Variants in SHANK2 observed in about 807,000 individuals in gnomAD.
SHANK2 encodes SH3 and multiple ankyrin repeat domains 2, also known as SH3 and multiple ankyrin repeat domains protein 2.
A neutral mutation model predicts 133.7 loss-of-function variants in SHANK2; 43 were observed. That is an observed-to-expected ratio of 0.32 (90% CI 0.25 to 0.41). The LOEUF (loss-of-function observed/expected upper bound fraction) is 0.41, where lower values mean the gene tolerates loss of function less well. Ranked by LOEUF, SHANK2 falls within the 10% of genes least tolerant of loss-of-function variation. The pLI is 1.00. For missense variants in SHANK2, 1,994 were observed against 2,235.8 expected (o/e 0.89, Z 2.18); for synonymous variants, 1,017 against 952.8 (o/e 1.07, Z -1.24).
intron 2 of SHANK2, among the ~76,000 whole-genome samples, chr11:71,187,165 G>A (rs1953691373): frequency 6.6e-6 from 1 of 152,202 alleles, no homozygotes; most frequent in African/African-American, 2.4e-5. Context: ...GACTGCATGA[G>A]ACAAATGGGG....
rs150468845 is a variant in SHANK2 at position 71,240,016 on chromosome 11, T to C, written c.-113+12409A>G. ...CCGTCTGAATATCCAAGGGTCTCCA[T>C]GAATGTTCAATAGTAATATGATACT... On this transcript the variant is annotated intron_variant, in intron 1 of 25. Coordinates refer to ENST00000601538, the MANE Select transcript of SHANK2 (RefSeq NM_012309.5). Among the ~76,000 whole-genome samples, 20 of 152,282 alleles carry C rather than the reference T, an allele frequency of 1.3e-4. No homozygotes were observed. The East Asian group carries it at 2.1e-3, about 16-fold the overall frequency.
Position 71,188,510 on chromosome 11 carries a change from A to G in SHANK2, c.-13+36187T>C, listed in dbSNP as rs1313027360. Among the ~76,000 whole-genome samples the G allele has an allele frequency of 1.3e-5, 2 of 152,214 alleles. No individual in the cohort carries two copies. Among genetic ancestry groups the G allele is most frequent in the African/African-American group, 4.8e-5 (2 of 41,460 alleles). On this transcript the variant is annotated intron_variant, in intron 2 of 25. Coordinates refer to ENST00000601538, the MANE Select transcript of SHANK2 (RefSeq NM_012309.5). This position sits in a 1 kb window ranked among gnomAD's most constrained non-coding sequence, Gnocchi z 4.6. ...AAAACACTGCAAATATTTACAGTGGACGTACGAAAAGGCACAGGAATACTG... is the reference window on the plus strand; with the variant it reads ...AAAACACTGCAAATATTTACAGTGGGCGTACGAAAAGGCACAGGAATACTG...
At chr11:71,086,087 TATATTAAATTATATA>T (rs1951403129) in intron 8 of SHANK2, among the ~76,000 whole-genome samples, 3 of 27,762 alleles carry the variant, frequency 1.1e-4, no homozygotes, top group Non-Finnish European at 2.1e-4. Flanking sequence ...TGTTATATAA[TATATTAAATTATATA>T]ATATATTATG....
chr11:70,647,780 C>T (rs1169884854), intron 17 of SHANK2, among the ~76,000 whole-genome samples: 7 of 152,176 alleles, frequency 4.6e-5, no homozygotes, highest in Admixed American at 2.0e-4. Flanking sequence ...GGTCCTTCTG[C>T]CCAGGCATGT....
intron 6 of SHANK2, among the ~76,000 whole-genome samples, chr11:71,105,589 C>T (rs1161506152): frequency 1.7e-5 from 1 of 57,540 alleles, no homozygotes; most frequent in Non-Finnish European, 3.1e-5. Flanking sequence ...GAGACTCAGT[C>T]TAAAAAAAAA....
At position 70,739,747 on chromosome 11, in the gene SHANK2, A is replaced by G. The variant is rs1475607907; in HGVS notation, c.1778-40984T>C. ...GACTGTATTTGGAGATAAGGTCTTT[A>G]AAGAGGTGATTAAGTTAAAACGAGG... is the stretch of plus-strand genomic sequence containing the variant. On this transcript the variant is annotated intron_variant, in intron 14 of 25. Transcript: ENST00000601538. This position sits in a 1 kb window ranked among gnomAD's most constrained non-coding sequence, Gnocchi z 4.3. Among the ~76,000 whole-genome samples the G allele has an allele frequency of 2.0e-5, 3 of 152,292 alleles. No individual in the cohort carries two copies. Among genetic ancestry groups the G allele is most frequent in the Non-Finnish European group, 4.4e-5 (3 of 68,006 alleles).
chr11:70,700,634 T>C (rs1945498144), intron 14 of SHANK2, among the ~76,000 whole-genome samples: 2 of 152,092 alleles, frequency 1.3e-5, no homozygotes, highest in African/African-American at 2.4e-5. Flanking sequence ...TGTGCCCCCC[T>C]CCTCCCTGGC....
At chr11:70,491,484 T>C (rs1232185358) in intron 22 of SHANK2, among the ~76,000 whole-genome samples, 13 of 152,222 alleles carry the variant, frequency 8.5e-5, no homozygotes, top group Admixed American at 7.2e-4. Flanking sequence ...AGGGCAGATA[T>C]TGTAACTGTA....
At chr11:70,635,767 A>G (rs76804246) in intron 17 of SHANK2, among the ~76,000 whole-genome samples, 6,167 of 150,746 alleles carry the variant, frequency 0.041, 187 homozygotes, top group African/African-American at 0.078. Context: ...AAAAAAAAAA[A>G]GGGGGGAGGA....
At chr11:71,194,549 C>A (rs186344656) in intron 2 of SHANK2, among the ~76,000 whole-genome samples, 275 of 152,308 alleles carry the variant, frequency 1.8e-3, no homozygotes, top group African/African-American at 6.3e-3. Context: ...GGGAGGGGGG[C>A]AGGTCCAGAC....
At chr11:70,772,348 G>C (rs1173946299) in intron 14 of SHANK2, among the ~76,000 whole-genome samples, 1 of 151,748 alleles carries the variant, frequency 6.6e-6, no homozygotes, top group African/African-American at 2.4e-5. Flanking sequence ...GCTGAGGCAG[G>C]AGAATCGCTT....
intron 2 of SHANK2, among the ~76,000 whole-genome samples, chr11:71,157,869 A>C (rs1952933682): frequency 6.6e-6 from 1 of 152,134 alleles, no homozygotes; most frequent in African/African-American, 2.4e-5. Context: ...CCTACAGAGA[A>C]GGAAACCAAT....
At chr11:70,618,238 G>C (rs1298422293) in intron 17 of SHANK2, among the ~76,000 whole-genome samples, 2 of 149,468 alleles carry the variant, frequency 1.3e-5, no homozygotes, top group African/African-American at 2.5e-5. Flanking sequence ...AGGTTGCAGT[G>C]AGCCAAGATC....
chr11:71,103,823 C>CCT (rs1565452850), intron 6 of SHANK2, among the ~76,000 whole-genome samples: 3 of 147,764 alleles, frequency 2.0e-5, no homozygotes, highest in African/African-American at 2.5e-5. Flanking sequence ...GTGTGTGGCA[C>CCT]CTCTCTCTCT....
Position 70,954,443 on chromosome 11 carries a change from G to A in SHANK2, c.1108-57876C>T, listed in dbSNP as rs76520936. Among the ~76,000 whole-genome samples, 1,360 of 152,352 alleles carry A rather than the reference G, an allele frequency of 8.9e-3. 30 individuals are homozygous for A. The highest frequency in any genetic ancestry group is 0.031 in the African/African-American group (1,301 of 41,582). On this transcript the variant is annotated intron_variant, in intron 10 of 25. Transcript: ENST00000601538. The stretch of plus-strand genomic sequence containing the variant: ...TGGCAGCCACTACCATGCGTGGCAT[G>A]AGAAAATGTACTCATCCCCCTCTGG...
intron 23 of SHANK2, 33 bp downstream of exon 23, chr11:70,490,243 G>T (rs1555155404): frequency 1.9e-6 from 3 of 1,567,010 alleles, no homozygotes; most frequent in Non-Finnish European, 2.6e-6. Flanking sequence ...AAGCCCAGGG[G>T]CAACTTCTGT....
chr11:70,796,737 A>T (rs959376435), intron 14 of SHANK2, among the ~76,000 whole-genome samples: 3 of 152,154 alleles, frequency 2.0e-5, no homozygotes. Flanking sequence ...TACCTGGTTC[A>T]ACTCTGCTTA....
intron 11 of SHANK2, among the ~76,000 whole-genome samples, chr11:70,853,352 G>C (rs1236415381): frequency 6.6e-6 from 1 of 152,238 alleles, no homozygotes; most frequent in Non-Finnish European, 1.5e-5. Context: ...GGGAGAGGGT[G>C]TGAGTCACAG....
intron 17 of SHANK2, among the ~76,000 whole-genome samples, chr11:70,609,291 C>T (rs988009109): frequency 6.6e-6 from 1 of 152,182 alleles, no homozygotes; most frequent in African/African-American, 2.4e-5. Context: ...AGGAAGAATC[C>T]GAGGACTCCT....
Sources: gnomAD v4.1 joint callset for allele counts (sites outside exome capture counted in the v4.1 genomes callset) on GRCh38, gnomAD v4.1.1 for gene constraint, Gnocchi (gnomAD v3.1) non-coding constraint, MANE v1.5 for transcripts, NCBI Gene and HGNC (gene_info 2026-07-23, HGNC 2026-07-21) for gene names.